The following FOXN3 variants were observed in gnomAD, a reference collection of about 807,000 sequenced individuals.
FOXN3 encodes the protein forkhead box N3, also known as forkhead box protein N3.
A neutral mutation model predicts 38.4 loss-of-function variants in FOXN3; 7 were observed. The ratio of observed to expected loss-of-function variants is 0.18; its 90% CI spans 0.10 to 0.34. FOXN3 has a LOEUF of 0.34. Ranked by LOEUF, FOXN3 falls within the 10% of genes least tolerant of loss-of-function variation. The probability of loss-of-function intolerance (pLI) is 1.00; values close to 1 mark genes in which losing one functional copy is unlikely to be tolerated. For synonymous variants in FOXN3, 230 were observed against 242.2 expected, an observed-to-expected ratio of 0.95 and a Z score of 0.47; for missense variants, 456 against 613.4, an observed-to-expected ratio of 0.74 and a Z score of 2.71.
intron 2 of FOXN3, among the ~76,000 whole-genome samples, chr14:89,394,509 A>T (rs1891053890): frequency 6.6e-6 from 1 of 152,134 alleles, no homozygotes; most frequent in Non-Finnish European, 1.5e-5. Flanking sequence ...GCCCAGTCTC[A>T]ACTTTCTAAT....
chr14:89,503,174 C>T (rs935609760), intron 1 of FOXN3, among the ~76,000 whole-genome samples: 7 of 152,140 alleles, frequency 4.6e-5, no homozygotes, highest in African/African-American at 1.7e-4. Context: ...GCAGAGGTGG[C>T]CCAAAGACTC....
chr14:89,498,204 CTCTCTCTT>C (rs1417864021), intron 1 of FOXN3, among the ~76,000 whole-genome samples: 1 of 135,238 alleles, frequency 7.4e-6, no homozygotes, highest in East Asian at 2.1e-4. Context: ...TTCTCTCTCT[CTCTCTCTT>C]TTTTTTTTTT....
chr14:89,526,962 C>A (rs1172422415), intron 1 of FOXN3, among the ~76,000 whole-genome samples: 1 of 150,348 alleles, frequency 6.7e-6, no homozygotes, highest in African/African-American at 2.5e-5. Flanking sequence ...TAGTTTTAAA[C>A]AAAAGTAAAA....
chr14:89,437,508 G>C (rs982892296), intron 1 of FOXN3, among the ~76,000 whole-genome samples: 1 of 152,118 alleles, frequency 6.6e-6, no homozygotes, highest in Non-Finnish European at 1.5e-5. Context: ...ACTCCATCTT[G>C]AATACGAGCT....
chr14:89,534,315 G>A (rs422938), intron 1 of FOXN3, among the ~76,000 whole-genome samples: 86,109 of 151,558 alleles, frequency 0.57, 25,301 homozygotes, highest in Middle Eastern at 0.68. Flanking sequence ...ATGTTGGCCA[G>A]GCTGGTCTGG....
At chr14:89,560,225 G>C in intron 1 of FOXN3, among the ~76,000 whole-genome samples, 1 of 152,118 alleles carries the variant, frequency 6.6e-6, no homozygotes, top group Non-Finnish European at 1.5e-5. Flanking sequence ...AGGGAAATTT[G>C]CCCCCATGAT....
intron 1 of FOXN3, among the ~76,000 whole-genome samples, chr14:89,516,165 A>C (rs989379038): frequency 6.6e-6 from 1 of 152,204 alleles, no homozygotes; most frequent in Non-Finnish European, 1.5e-5. Flanking sequence ...AACACCAGAA[A>C]GGCATTTTAT....
At chr14:89,203,856 C>T (rs1164238861) in intron 4 of FOXN3, among the ~76,000 whole-genome samples, 1 of 152,086 alleles carries the variant, frequency 6.6e-6, no homozygotes, top group Non-Finnish European at 1.5e-5. Context: ...TGGTAACGAG[C>T]CAACAGAGCA....
At chr14:89,332,800 A>T (rs1888288550) in intron 3 of FOXN3, among the ~76,000 whole-genome samples, 1 of 152,246 alleles carries the variant, frequency 6.6e-6, no homozygotes, top group South Asian at 2.1e-4. Flanking sequence ...TGCAAAGCAC[A>T]TATCCAATAA....
intron 2 of FOXN3, chr14:89,401,644 TAG>T: frequency 2.2e-6 from 1 of 456,026 alleles, no homozygotes. Flanking sequence ...TAGCCACGAT[TAG>T]AGTCAGCGCT....
In FOXN3 at chr14:89,337,636, C is replaced by CTT. The variant is rs5810454; in HGVS notation, c.680+13034_680+13035dup. Reference sequence around the variant, plus strand: ...GCACATTTGCATTCTCTTTTCTTTTCTTTTTTTTTTTTGAGACGGAGTCTT... The same window carrying CTT: ...GCACATTTGCATTCTCTTTTCTTTTCTTTTTTTTTTTTTTGAGACGGAGTCTT... On this transcript the variant is annotated intron_variant, in intron 3 of 5. Transcript: ENST00000557258. 9.4e-4 allele frequency among the ~76,000 whole-genome samples: 136 copies of CTT among 144,786 alleles called. 3 individuals are homozygous for CTT. Among genetic ancestry groups the CTT allele is most frequent in the Middle Eastern group, 3.5e-3 (1 of 284 alleles). 95.0% of individuals were successfully genotyped at this position (144,786 alleles called of 152,430 possible). A position where few individuals can be genotyped will look rare whatever the true frequency, so the allele number is the denominator to read the frequency against.
chr14:89,363,940 T>C (rs1342247348), intron 2 of FOXN3, among the ~76,000 whole-genome samples: 1 of 120,588 alleles, frequency 8.3e-6, no homozygotes, highest in East Asian at 2.2e-4. Context: ...CAAGACCCTG[T>C]CTGTAAAATA....
intron 3 of FOXN3, among the ~76,000 whole-genome samples, chr14:89,314,137 T>G (rs1887656288): frequency 1.3e-5 from 2 of 152,298 alleles, no homozygotes; most frequent in South Asian, 4.1e-4. Context: ...AATTAAGAAT[T>G]AAAAAGAAAA....
chr14:89,464,237 T>C (rs1460113034), intron 1 of FOXN3, among the ~76,000 whole-genome samples: 1 of 152,168 alleles, frequency 6.6e-6, no homozygotes, highest in Non-Finnish European at 1.5e-5. Flanking sequence ...CTCTACCTTC[T>C]TTCTGTTTCC....
chr14:89,407,093 G>T (rs1317259146), intron 2 of FOXN3, among the ~76,000 whole-genome samples: 2 of 152,164 alleles, frequency 1.3e-5, no homozygotes, highest in Non-Finnish European at 2.9e-5. Flanking sequence ...CCCCAAGAGG[G>T]GGATGACCAG....
intron 1 of FOXN3, among the ~76,000 whole-genome samples, chr14:89,476,680 C>T (rs568309666): frequency 4.3e-4 from 66 of 152,324 alleles, no homozygotes; most frequent in Non-Finnish European, 8.2e-4. Context: ...CCTCTGCCTT[C>T]GCAGGGGGTT....
At chr14:89,451,857 C>T (rs1016800641) in intron 1 of FOXN3, among the ~76,000 whole-genome samples, 5 of 152,004 alleles carry the variant, frequency 3.3e-5, no homozygotes, top group South Asian at 4.2e-4. Flanking sequence ...GCACTGGTAA[C>T]GGGGGGCTGC....
chr14:89,409,163 G>C (rs1364599154), intron 2 of FOXN3: 1 of 152,256 alleles, frequency 6.6e-6, no homozygotes, highest in Non-Finnish European at 1.5e-5. Flanking sequence ...CCACAAAACT[G>C]ACTGGCATTT....
intron 4 of FOXN3, among the ~76,000 whole-genome samples, chr14:89,181,959 C>T (rs973923962): frequency 2.6e-5 from 4 of 152,134 alleles, no homozygotes; most frequent in Non-Finnish European, 5.9e-5. Context: ...CTTCTAAGAC[C>T]CTGTCTACCA....
Sources: allele counts gnomAD v4.1 joint callset (sites outside exome capture counted in the v4.1 genomes callset), GRCh38; gene constraint gnomAD v4.1.1; transcripts MANE v1.5; gene names NCBI Gene and HGNC (gene_info 2026-07-23, HGNC 2026-07-21).